The following NTRK2 variants were observed in gnomAD, a reference collection of about 807,000 sequenced individuals.
NTRK2 encodes the protein neurotrophic receptor tyrosine kinase 2, also known as BDNF/NT-3 growth factors receptor.
Under a neutral mutation model 94.5 loss-of-function variants are expected in NTRK2, and 13 were observed. The ratio of observed to expected loss-of-function variants is 0.14; its 90% CI spans 0.09 to 0.22. NTRK2 has a LOEUF of 0.22. NTRK2 is among the 10% of genes least tolerant of loss of function. The pLI is 1.00. For synonymous variants in NTRK2, 372 were observed against 407.4 expected (o/e 0.91, Z 1.05); for missense variants, 639 against 1,071.2 (o/e 0.60, Z 5.63).
chr9:84,924,548 T>G (rs868548260), intron 14 of NTRK2, among the ~76,000 whole-genome samples: 6 of 152,222 alleles, frequency 3.9e-5, no homozygotes, highest in Admixed American at 3.9e-4. Context: ...AATCCAATTC[T>G]ACCACATGCC....
At chr9:84,994,897 A>G (rs1210194208) in intron 17 of NTRK2, among the ~76,000 whole-genome samples, 1 of 152,232 alleles carries the variant, frequency 6.6e-6, no homozygotes, top group Non-Finnish European at 1.5e-5. Context: ...AATTAGACCC[A>G]GACAAGTCAC....
intron 12 of NTRK2, chr9:84,813,813 T>C (rs1156452621): frequency 3.8e-6 from 4 of 1,065,730 alleles, no homozygotes; most frequent in Non-Finnish European, 4.5e-6. Context: ...CAGGTTTAGA[T>C]AGGAAAGTAC....
At chr9:84,883,838 A>G (rs1300611442) in intron 14 of NTRK2, among the ~76,000 whole-genome samples, 1 of 152,222 alleles carries the variant, frequency 6.6e-6, no homozygotes, top group Admixed American at 6.5e-5. Context: ...ATAATTAGAA[A>G]CTGGAGTTGC....
At chr9:84,798,209 G>A (rs941581297) in intron 12 of NTRK2, among the ~76,000 whole-genome samples, 8 of 151,836 alleles carry the variant, frequency 5.3e-5, no homozygotes, top group South Asian at 2.1e-4. Context: ...GCTCCCTTGG[G>A]CCTCTTTTGT....
chr9:84,700,693 G>A lies in NTRK2; in HGVS notation c.213-1466G>A, dbSNP rs12683612. ...CATCATTTTCTTTCACACAGTGGGGGACCTATAGATGCTGTGTGTTCCTCC... is the reference window on the plus strand; with the variant it reads ...CATCATTTTCTTTCACACAGTGGGGAACCTATAGATGCTGTGTGTTCCTCC... On this transcript the variant is annotated intron_variant, in intron 2 of 18. Transcript: ENST00000277120. Among the ~76,000 whole-genome samples, 456 of 152,198 alleles carry A rather than the reference G, an allele frequency of 3.0e-3. 15 individuals carry two copies. In the East Asian group the frequency reaches 0.066, roughly 22 times the overall value.
At chr9:84,691,226 T>C (rs955926842) in intron 2 of NTRK2, among the ~76,000 whole-genome samples, 2 of 152,236 alleles carry the variant, frequency 1.3e-5, no homozygotes, top group African/African-American at 4.8e-5. Flanking sequence ...CAATAAGTGA[T>C]GTAACGCACA....
At chr9:84,875,862 G>C in intron 14 of NTRK2, 2 of 1,042,300 alleles carry the variant, frequency 1.9e-6, no homozygotes, top group Non-Finnish European at 2.3e-6. Context: ...TAATATGTTA[G>C]TGTTGATATT....
rs536904307 is a variant in NTRK2 at position 84,865,508 on chromosome 9, A to G, written c.1445-1735A>G. On this transcript the variant is annotated intron_variant, in intron 13 of 18. Transcript: ENST00000277120. ...GGGGGATGAGATATTATTATATTTC[A>G]TAGGGGATTCAAGACTGGATGACAA... 2.0e-5 allele frequency among the ~76,000 whole-genome samples: 3 copies of G among 152,318 alleles called. No homozygotes were observed. The South Asian group carries it at 6.2e-4, about 32-fold the overall frequency.
intron 18 of NTRK2, among the ~76,000 whole-genome samples, chr9:85,020,576 A>T (rs1832696884): frequency 6.6e-6 from 1 of 152,196 alleles, no homozygotes; most frequent in East Asian, 1.9e-4. Flanking sequence ...GCTCGCTGCT[A>T]TGTCCTTGCT....
At chr9:84,735,501 A>G (rs768666877) in intron 9 of NTRK2, among the ~76,000 whole-genome samples, 4 of 152,242 alleles carry the variant, frequency 2.6e-5, no homozygotes, top group Admixed American at 6.5e-5. Context: ...GCATCCATCA[A>G]GATGACCTCA....
intron 14 of NTRK2, among the ~76,000 whole-genome samples, chr9:84,926,169 C>CCTTCCTTTCTTTCTTTCTTT (rs2077790007): frequency 2.6e-5 from 1 of 38,512 alleles, no homozygotes; most frequent in African/African-American, 9.2e-5. Flanking sequence ...TTCCTTCCTT[C>CCTTCCTTTCTTTCTTTCTTT]CTTTCTTTCT....
At chr9:84,751,017 C>T (rs1227501859) in intron 11 of NTRK2, among the ~76,000 whole-genome samples, 1 of 152,154 alleles carries the variant, frequency 6.6e-6, no homozygotes, top group Non-Finnish European at 1.5e-5. Context: ...CATTTTTAAA[C>T]TTACTTAAAC....
intron 14 of NTRK2, among the ~76,000 whole-genome samples, chr9:84,900,758 A>G (rs1210410962): frequency 6.6e-6 from 1 of 152,246 alleles, no homozygotes; most frequent in African/African-American, 2.4e-5. Flanking sequence ...TAACAGGGAC[A>G]GTCTGGATAA....
At chr9:84,758,358 T>C (rs1241174309) in intron 12 of NTRK2, among the ~76,000 whole-genome samples, 1 of 152,048 alleles carries the variant, frequency 6.6e-6, no homozygotes, top group Admixed American at 6.6e-5. Flanking sequence ...ATGTATTTTT[T>C]AAACTTAGCC....
At chr9:84,876,125 G>T (rs200382933) in intron 14 of NTRK2, 22 of 1,037,636 alleles carry the variant, frequency 2.1e-5, no homozygotes, top group Non-Finnish European at 2.6e-5. Flanking sequence ...GAACTTTTGG[G>T]TGCATTAAAG....
intron 17 of NTRK2, among the ~76,000 whole-genome samples, chr9:85,014,215 A>C (rs1052545912): frequency 6.6e-6 from 1 of 152,162 alleles, no homozygotes; most frequent in Non-Finnish European, 1.5e-5. Flanking sequence ...GGCAGTATGG[A>C]GACGAATGGA....
chr9:84,910,830 T>A (rs930465225), intron 14 of NTRK2, among the ~76,000 whole-genome samples: 1 of 152,210 alleles, frequency 6.6e-6, no homozygotes, highest in African/African-American at 2.4e-5. Flanking sequence ...TCAGGTAGAA[T>A]GAGTCTTCCC....
At chr9:84,730,257 A>G (rs1290699021) in intron 9 of NTRK2, among the ~76,000 whole-genome samples, 2 of 152,124 alleles carry the variant, frequency 1.3e-5, no homozygotes, top group African/African-American at 4.8e-5. Context: ...AATGAAGGAG[A>G]CTTGGCCCAG....
chr9:84,707,939 G>T lies in NTRK2; in HGVS notation c.428+27G>T, dbSNP rs761052578. On this transcript the variant is annotated intron_variant, in intron 5 of 18. Coordinates refer to ENST00000277120, the MANE Select transcript of NTRK2 (RefSeq NM_006180.6). ...TAAGTAATGATTTTGTGTGGCATTT[G>T]GGGAAATGTTTTCAAAGGAAGGGGT... 18 of 1,592,580 alleles carry T rather than the reference G, an allele frequency of 1.1e-5. No homozygotes were observed. In the South Asian group the frequency reaches 1.3e-4, roughly 12 times the overall value.
Sources: gnomAD v4.1 joint callset for allele counts (sites outside exome capture counted in the v4.1 genomes callset) on GRCh38, gnomAD v4.1.1 for gene constraint, MANE v1.5 for transcripts, NCBI Gene and HGNC (gene_info 2026-07-23, HGNC 2026-07-21) for gene names.